Variants in ZDHHC17 observed in about 807,000 individuals in gnomAD.
The protein encoded by ZDHHC17 is palmitoyltransferase ZDHHC17.
In ZDHHC17, 40 loss-of-function variants were observed where a neutral mutation model predicts 90.3. The observed-to-expected ratio is 0.44, with a 90% confidence interval of 0.34 to 0.58. The LOEUF is 0.58. Ranked by LOEUF, ZDHHC17 falls within the 20% of genes least tolerant of loss-of-function variation. The pLI, the probability that ZDHHC17 is intolerant of heterozygous loss-of-function variation, is 0.01. For missense variants in ZDHHC17, 614 were observed against 780.8 expected, an observed-to-expected ratio of 0.79 and a Z score of 2.55; for synonymous variants, 235 against 252.4, an observed-to-expected ratio of 0.93 and a Z score of 0.65.
At chr12:76,786,620 C>T (rs1483313659) in intron 1 of ZDHHC17, among the ~76,000 whole-genome samples, 3 of 152,134 alleles carry the variant, frequency 2.0e-5, no homozygotes, top group African/African-American at 4.8e-5. Flanking sequence ...AACTCCTGGC[C>T]GCATGTGGTC....
intron 10 of ZDHHC17, among the ~76,000 whole-genome samples, chr12:76,831,746 A>G (rs746452923): frequency 3.3e-5 from 5 of 152,174 alleles, no homozygotes; most frequent in Non-Finnish European, 5.9e-5. Flanking sequence ...TCCCAGGCTC[A>G]GGTGATCCTC....
intron 1 of ZDHHC17, among the ~76,000 whole-genome samples, chr12:76,784,164 T>C (rs1396815710): frequency 6.6e-6 from 1 of 152,226 alleles, no homozygotes; most frequent in Non-Finnish European, 1.5e-5. Context: ...AAAAAGTTCA[T>C]GGAAAATGGG....
intron 1 of ZDHHC17, among the ~76,000 whole-genome samples, chr12:76,766,180 A>G (rs988063390): frequency 1.3e-5 from 2 of 152,244 alleles, no homozygotes; most frequent in African/African-American, 4.8e-5. Flanking sequence ...TTCGATAGAT[A>G]GGATATTACT....
At position 76,788,688 on chromosome 12, in the gene ZDHHC17, A is replaced by ATATTTT. The variant is rs61663401; in HGVS notation, c.94-8745_94-8744insATTTTT. Among the ~76,000 whole-genome samples, 71 of 98,662 alleles carry ATATTTT rather than the reference A, an allele frequency of 7.2e-4. 10 individuals carry two copies. Among genetic ancestry groups the ATATTTT allele is most frequent in the African/African-American group, 1.9e-3 (49 of 25,134 alleles). 64.7% of individuals were successfully genotyped at this position (98,662 alleles called of 152,430 possible). A position where few individuals can be genotyped will look rare whatever the true frequency, so the allele number is the denominator to read the frequency against. ...AAAATATATTTAAGTTGGAATCGCA[A>ATATTTT]TTTTTTTTTTTTTTTTTTTTTTTTT... On this transcript the variant is annotated intron_variant, in intron 1 of 16. Coordinates refer to ENST00000426126, the MANE Select transcript of ZDHHC17 (RefSeq NM_015336.4).
chr12:76,813,295 AT>A (rs751456964), intron 5 of ZDHHC17: 117 of 429,348 alleles, frequency 2.7e-4, no homozygotes, highest in Middle Eastern at 6.9e-4. Flanking sequence ...CAGAAAACAT[AT>A]TTTTTTTAAG....
intron 9 of ZDHHC17, among the ~76,000 whole-genome samples, chr12:76,827,780 A>T (rs1953247015): frequency 6.6e-6 from 1 of 152,134 alleles, no homozygotes; most frequent in Non-Finnish European, 1.5e-5. Flanking sequence ...GTATTTCTAG[A>T]GTCTCCAAGG....
intron 1 of ZDHHC17, chr12:76,764,929 T>TA (rs2137701301): frequency 4.5e-6 from 2 of 446,522 alleles, no homozygotes; most frequent in Non-Finnish European, 9.0e-6. Context: ...ACACTCACAT[T>TA]AGCTTGTCAA....
chr12:76,824,076 T>TA (rs1953199318), intron 8 of ZDHHC17, among the ~76,000 whole-genome samples: 1 of 152,008 alleles, frequency 6.6e-6, no homozygotes, highest in Non-Finnish European at 1.5e-5. Flanking sequence ...TTTGAAGTTT[T>TA]ATTTTATATA....
At chr12:76,831,533 G>A (rs1305055462) in intron 10 of ZDHHC17, among the ~76,000 whole-genome samples, 1 of 151,988 alleles carries the variant, frequency 6.6e-6, no homozygotes, top group South Asian at 2.1e-4. Context: ...TAAATTTTTA[G>A]TAGAGACGGG....
At chr12:76,769,130 C>T (rs967312294) in intron 1 of ZDHHC17, 2 of 385,618 alleles carry the variant, frequency 5.2e-6, no homozygotes, top group African/African-American at 4.2e-5. Context: ...GTGATCTCGG[C>T]TTACTGCAAC....
At chr12:76,832,521 T>C (rs1292778417) in intron 10 of ZDHHC17, among the ~76,000 whole-genome samples, 1 of 152,234 alleles carries the variant, frequency 6.6e-6, no homozygotes, top group East Asian at 1.9e-4. Context: ...GTCACAACAG[T>C]ATTGATCATC....
intron 1 of ZDHHC17, among the ~76,000 whole-genome samples, chr12:76,779,506 G>C (rs1323622334): frequency 6.6e-6 from 1 of 152,060 alleles, no homozygotes; most frequent in Admixed American, 6.6e-5. Flanking sequence ...TATCTCACTA[G>C]AATAGCATGG....
chr12:76,767,222 G>C (rs1715426501), intron 1 of ZDHHC17, among the ~76,000 whole-genome samples: 1 of 152,126 alleles, frequency 6.6e-6, no homozygotes. Flanking sequence ...TAAAACTTAT[G>C]TGGGTTTTAA....
Position 76,850,867 on chromosome 12 carries a change from T to C in ZDHHC17, c.1781T>C (p.Ile594Thr). 1 of 1,613,968 alleles carries C rather than the reference T, an allele frequency of 6.2e-7. No individual in the cohort carries two copies. Among genetic ancestry groups the C allele is most frequent in the Non-Finnish European group, 8.5e-7 (1 of 1,179,864 alleles). The stretch of plus-strand genomic sequence containing the variant: ...TTTAGCCATGGATGTGTAAGAAATA[T>C]TATAGACTTCTTTGAATTTCGATGC... ...SPFNHGCVRN[I>T]IDFFEFRCCG... Residue 594 changes from isoleucine to threonine, a missense_variant, in exon 17 of 17, where the codon ATT (isoleucine) becomes ACT (threonine). By Grantham distance (89) the Ile-to-Thr change is moderately conservative. This residue lies in a region of ZDHHC17 where 111 missense variants were observed against 179.8 expected (regional missense o/e 0.62). Coordinates refer to ENST00000426126, the MANE Select transcript of ZDHHC17 (RefSeq NM_015336.4).
rs1953177081 is a variant in ZDHHC17 at position 76,822,549 on chromosome 12, GA to G, written c.897+19del. On this transcript the variant is annotated intron_variant, in intron 8 of 16. Coordinates refer to ENST00000426126, the MANE Select transcript of ZDHHC17 (RefSeq NM_015336.4). ...CTGATAAGGTAAACTCATAACTGAAGATTTTTTTTTTTTTTTTTTTTTGAGA... is the reference window on the plus strand; with the variant it reads ...CTGATAAGGTAAACTCATAACTGAAGTTTTTTTTTTTTTTTTTTTTTGAGA... 6 of 1,142,398 alleles carry G rather than the reference GA, an allele frequency of 5.3e-6. No homozygotes were observed. Among genetic ancestry groups the G allele is most frequent in the East Asian group, 2.9e-5 (1 of 34,300 alleles). 70.8% of individuals were successfully genotyped at this position (1,142,398 alleles called of 1,614,324 possible). A position where few individuals can be genotyped will look rare whatever the true frequency, so the allele number is the denominator to read the frequency against.
chr12:76,811,521 A>G (rs895516212), intron 5 of ZDHHC17, among the ~76,000 whole-genome samples: 6 of 152,092 alleles, frequency 3.9e-5, no homozygotes, highest in Non-Finnish European at 7.4e-5. Flanking sequence ...AGGCTATAAA[A>G]TTCTCAAAGG....
intron 1 of ZDHHC17, 38 bp downstream of exon 1, chr12:76,764,367 C>G: frequency 6.5e-7 from 1 of 1,533,002 alleles, no homozygotes; most frequent in Non-Finnish European, 8.9e-7. Flanking sequence ...TGCCCTGCGG[C>G]CCTCCAGCCT....
chr12:76,809,904 AGT>A (rs1952999571), intron 5 of ZDHHC17, 47 bp downstream of exon 5: 1 of 1,569,546 alleles, frequency 6.4e-7, no homozygotes, highest in African/African-American at 1.4e-5. Flanking sequence ...TGTTCTTCAT[AGT>A]TTAAATGCCT....
In ZDHHC17 at chr12:76,822,542, A is replaced by G; in HGVS notation, c.897+11A>G. 1 of 1,515,472 alleles carries G rather than the reference A, an allele frequency of 6.6e-7. No homozygotes were observed. The highest frequency in any genetic ancestry group is 8.9e-7 in the Non-Finnish European group (1 of 1,124,788). 93.9% of individuals were successfully genotyped at this position (1,515,472 alleles called of 1,614,324 possible). ...CTGAAAGCTGATAAGGTAAACTCATAACTGAAGATTTTTTTTTTTTTTTTT... is the reference window on the plus strand; with the variant it reads ...CTGAAAGCTGATAAGGTAAACTCATGACTGAAGATTTTTTTTTTTTTTTTT... On this transcript the variant is annotated intron_variant, in intron 8 of 16. Transcript: ENST00000426126.
Sources: gnomAD v4.1 joint callset for allele counts (sites outside exome capture counted in the v4.1 genomes callset) on GRCh38, gnomAD v4.1.1 for gene constraint, gnomAD v4.1.1 regional missense constraint, MANE v1.5 for transcripts, NCBI Gene and HGNC (gene_info 2026-07-23, HGNC 2026-07-21) for gene names.